LRCH1: variants seen among roughly 807,000 people sequenced by gnomAD.
LRCH1 encodes the protein leucine-rich repeat and calponin homology domain-containing protein 1.
A neutral mutation model predicts 94.9 loss-of-function variants in LRCH1; 23 were observed. The ratio of observed to expected loss-of-function variants is 0.24; its 90% confidence interval spans 0.17 to 0.34. The LOEUF (loss-of-function observed/expected upper bound fraction) is 0.34, where lower values mean the gene tolerates loss of function less well. LRCH1 is among the 10% of genes least tolerant of loss of function. The probability of loss-of-function intolerance (pLI) is 1.00; values close to 1 mark genes in which losing one functional copy is unlikely to be tolerated. For synonymous variants in LRCH1, 364 were observed against 354.9 expected, an observed-to-expected ratio of 1.03 and a Z score of -0.29; for missense variants, 790 against 945.9, an observed-to-expected ratio of 0.84 and a Z score of 2.16.
chr13:46,582,263 A>G (rs1594260559), intron 1 of LRCH1, among the ~76,000 whole-genome samples: 1 of 151,958 alleles, frequency 6.6e-6, no homozygotes, highest in East Asian at 1.9e-4. Context: ...ACTGTTTAAA[A>G]AAGGAAAGAG....
At chr13:46,749,164 A>T (rs1296200325), downstream of LRCH1, among the ~76,000 whole-genome samples, 1 of 152,220 alleles carries the variant, frequency 6.6e-6, no homozygotes, top group East Asian at 1.9e-4. Flanking sequence ...GGCTGGATGC[A>T]GATCCCACTT....
chr13:46,643,479 T>G (rs2051184046), intron 1 of LRCH1, among the ~76,000 whole-genome samples: 1 of 152,258 alleles, frequency 6.6e-6, no homozygotes, highest in Non-Finnish European at 1.5e-5. Context: ...GTTTTATTTC[T>G]TGGTTATCAG....
chr13:46,708,472 A>C (rs1052939825), intron 13 of LRCH1, among the ~76,000 whole-genome samples: 22 of 152,032 alleles, frequency 1.4e-4, no homozygotes, highest in African/African-American at 5.1e-4. Flanking sequence ...GGGTTTTGCC[A>C]CGTTGGCCAA....
At chr13:46,574,215 T>G (rs1353003171) in intron 1 of LRCH1, among the ~76,000 whole-genome samples, 1 of 152,048 alleles carries the variant, frequency 6.6e-6, no homozygotes, top group Non-Finnish European at 1.5e-5. Flanking sequence ...TAATTATCCT[T>G]TGTAACACAA....
intron 1 of LRCH1, among the ~76,000 whole-genome samples, chr13:46,633,475 A>G (rs1008840608): frequency 5.3e-5 from 8 of 152,220 alleles, no homozygotes; most frequent in Admixed American, 5.2e-4. Context: ...TACTTGGGGC[A>G]GAGTGCCATA....
intron 1 of LRCH1, among the ~76,000 whole-genome samples, chr13:46,580,749 C>T (rs1464122619): frequency 6.6e-6 from 1 of 152,078 alleles, no homozygotes; most frequent in Non-Finnish European, 1.5e-5. Context: ...CGGAGTGGAC[C>T]AAGTGGAAAT....
At chr13:46,649,701 T>C in intron 1 of LRCH1, among the ~76,000 whole-genome samples, 1 of 151,952 alleles carries the variant, frequency 6.6e-6, no homozygotes, top group East Asian at 1.9e-4. Context: ...TGGTGGTGCG[T>C]GCCTGTAGAC....
chr13:46,752,701 A>C (rs1251928889), exon 19 of LRCH1: 1 of 152,124 alleles, frequency 6.6e-6, no homozygotes, highest in Non-Finnish European at 1.5e-5. Flanking sequence ...GGGTCCTGAA[A>C]TATTTTCTTA....
downstream of LRCH1, among the ~76,000 whole-genome samples, chr13:46,748,294 G>C (rs559538224): frequency 2.3e-4 from 33 of 146,062 alleles, no homozygotes; most frequent in East Asian, 6.3e-3. Context: ...TTTTTTTAAT[G>C]TTCAACTCTT....
Position 46,729,452 on chromosome 13 carries a change from T to C in LRCH1, c.2007+468T>C, listed in dbSNP as rs978494799. The stretch of plus-strand genomic sequence containing the variant: ...CCTGTGGTCCCAGCAACTCAGGAGC[T>C]GAGGTGGGAGGATTGCTTGAGCCCA... On this transcript the variant is annotated intron_variant, in intron 18 of 19. Coordinates refer to ENST00000389797, the MANE Select transcript of LRCH1 (RefSeq NM_001164211.2). Among the ~76,000 whole-genome samples, 10 of 150,384 alleles carry C rather than the reference T, an allele frequency of 6.6e-5. No individual in the cohort carries two copies. The East Asian group carries it at 2.0e-3, about 30-fold the overall frequency.
intron 1 of LRCH1, among the ~76,000 whole-genome samples, chr13:46,629,288 G>T (rs1015212900): frequency 7.2e-6 from 1 of 139,438 alleles, no homozygotes; most frequent in Non-Finnish European, 1.6e-5. Flanking sequence ...GTCTTCTCAG[G>T]GTTTGTAGCC....
At chr13:46,707,724 T>A (rs555737262) in intron 13 of LRCH1, among the ~76,000 whole-genome samples, 42 of 152,324 alleles carry the variant, frequency 2.8e-4, no homozygotes, top group Middle Eastern at 3.4e-3. Flanking sequence ...GAATTTTTTT[T>A]AAAAAGGAAG....
Position 46,606,148 on chromosome 13 carries a change from A to ATGTGTGTGTGTG in LRCH1, c.308-44033_308-44022dup, listed in dbSNP as rs3991577. Among the ~76,000 whole-genome samples the ATGTGTGTGTGTG allele has an allele frequency of 4.4e-3, 655 of 148,716 alleles. 2 individuals carry two copies. The highest frequency in any genetic ancestry group is 0.015 in the African/African-American group (625 of 40,454). The stretch of plus-strand genomic sequence containing the variant: ...ATGCTCAAACTCTAATTTTAACCTT[A>ATGTGTGTGTGTG]TGTGTGTGTGTGTGTGTGTGTGTGT... On this transcript the variant is annotated intron_variant, in intron 1 of 19. Coordinates refer to ENST00000389797, the MANE Select transcript of LRCH1 (RefSeq NM_001164211.2).
chr13:46,734,046 T>C, intron 19 of LRCH1, 48 bp downstream of exon 19: 1 of 1,049,024 alleles, frequency 9.5e-7, no homozygotes, highest in Non-Finnish European at 1.4e-6. Context: ...AAAAATTTTA[T>C]TTAATATATG....
intron 1 of LRCH1, among the ~76,000 whole-genome samples, chr13:46,613,939 C>G (rs1205543782): frequency 2.6e-5 from 4 of 152,058 alleles, no homozygotes; most frequent in Admixed American, 2.6e-4. Flanking sequence ...TTAGGTGAGC[C>G]AGGTTGCTTT....
intron 1 of LRCH1, among the ~76,000 whole-genome samples, chr13:46,580,923 C>T (rs185616978): frequency 1.4e-3 from 211 of 152,320 alleles, no homozygotes; most frequent in Non-Finnish European, 2.3e-3. Context: ...CTCTGTTGTT[C>T]TTCAAATCCA....
chr13:46,640,685 A>G (rs1265105865), intron 1 of LRCH1, among the ~76,000 whole-genome samples: 2 of 152,272 alleles, frequency 1.3e-5, no homozygotes, highest in Admixed American at 6.5e-5. Context: ...CATGGAGCTT[A>G]CGTTCTAGGA....
intron 1 of LRCH1, among the ~76,000 whole-genome samples, chr13:46,613,617 C>T (rs916752022): frequency 6.6e-6 from 1 of 152,052 alleles, no homozygotes; most frequent in African/African-American, 2.4e-5. Context: ...TTAGAATCAC[C>T]CTGGGAGCTT....
chr13:46,647,794 CT>C (rs10718141), intron 1 of LRCH1, among the ~76,000 whole-genome samples: 88,047 of 126,688 alleles, frequency 0.69, 29,858 homozygotes, highest in East Asian at 0.88. Flanking sequence ...AGGTAGTCAT[CT>C]TTTTTTTTTT....
Sources: allele counts gnomAD v4.1 joint callset (sites outside exome capture counted in the v4.1 genomes callset), GRCh38; gene constraint gnomAD v4.1.1; transcripts MANE v1.5; gene names NCBI Gene and HGNC (gene_info 2026-07-23, HGNC 2026-07-21).